SYT14: variants seen among roughly 807,000 people sequenced by gnomAD.
The protein encoded by SYT14 is synaptotagmin-14.
In SYT14, 32 loss-of-function variants were observed where a neutral mutation model predicts 74.2. The observed-to-expected ratio is 0.43, with a 90% CI of 0.33 to 0.58. The LOEUF (loss-of-function observed/expected upper bound fraction) is 0.58. SYT14 is among the 20% of genes least tolerant of loss of function. The pLI is 0.05. For synonymous variants in SYT14, 298 were observed against 337.7 expected (o/e 0.88, Z 1.29); for missense variants, 791 against 981.8 (o/e 0.81, Z 2.60).
intron 5 of SYT14, among the ~76,000 whole-genome samples, chr1:210,047,313 AT>A (rs2080903882): frequency 6.6e-6 from 1 of 152,166 alleles, no homozygotes; most frequent in Non-Finnish European, 1.5e-5. Flanking sequence ...AAATAAAAAA[AT>A]TATGTGGATT....
At chr1:210,026,059 T>C (rs769784272) in intron 5 of SYT14, among the ~76,000 whole-genome samples, 6 of 152,116 alleles carry the variant, frequency 3.9e-5, no homozygotes, top group Non-Finnish European at 7.4e-5. Context: ...TTGTTGATCA[T>C]GTTTTCTCCT....
exon 4 of SYT14, chr1:210,016,625 A>C (rs2080189239): frequency 8.1e-7 from 1 of 1,231,814 alleles, no homozygotes; most frequent in African/African-American, 1.6e-5. Context: ...CAACGGAATA[A>C]ACAAATTGTA....
chr1:209,952,859 A>G, intron 2 of SYT14, 103 bp downstream of exon 2: 1 of 1,187,068 alleles, frequency 8.4e-7, no homozygotes, highest in Non-Finnish European at 1.2e-6. Flanking sequence ...TATGAAGTGT[A>G]AATTTTAGTA....
chr1:209,951,566 A>G (rs957706038), intron 1 of SYT14, among the ~76,000 whole-genome samples: 3 of 152,134 alleles, frequency 2.0e-5, no homozygotes, highest in African/African-American at 7.2e-5. Context: ...TTAAACATGC[A>G]CTTGCCCCAT....
At chr1:209,943,269 C>T (rs1006139095) in intron 1 of SYT14, among the ~76,000 whole-genome samples, 3 of 151,686 alleles carry the variant, frequency 2.0e-5, no homozygotes, top group Non-Finnish European at 2.9e-5. Context: ...TTTGGTAGGC[C>T]GAGGCGGGCA....
chr1:210,092,711 C>T (rs1455365913), intron 5 of SYT14, among the ~76,000 whole-genome samples: 13 of 152,240 alleles, frequency 8.5e-5, no homozygotes, highest in South Asian at 2.1e-4. Flanking sequence ...TTTTTGCTTA[C>T]GTTATAAACT....
chr1:210,068,534 GT>G (rs1350146400), intron 5 of SYT14, among the ~76,000 whole-genome samples: 4 of 151,584 alleles, frequency 2.6e-5, no homozygotes, highest in African/African-American at 9.7e-5. Context: ...TATCTTACGA[GT>G]TTTTTTATAG....
chr1:210,111,626 G>A (rs1379107441), intron 7 of SYT14, among the ~76,000 whole-genome samples: 1 of 151,188 alleles, frequency 6.6e-6, no homozygotes, highest in Non-Finnish European at 1.5e-5. Context: ...GGAAGATTTT[G>A]TGGTAAGGGG....
intron 5 of SYT14, among the ~76,000 whole-genome samples, chr1:210,062,993 G>A (rs2081232978): frequency 6.8e-6 from 1 of 146,332 alleles, no homozygotes; most frequent in African/African-American, 2.5e-5. Flanking sequence ...AAGAATATTA[G>A]CCTTTGTTGC....
chr1:210,070,780 G>C (rs142135947), intron 5 of SYT14, among the ~76,000 whole-genome samples: 287 of 152,168 alleles, frequency 1.9e-3, no homozygotes, highest in African/African-American at 6.5e-3. Flanking sequence ...GTATAGGGTC[G>C]TCTGCTTTTC....
intron 7 of SYT14, among the ~76,000 whole-genome samples, chr1:210,141,366 T>C (rs913943487): frequency 6.6e-6 from 1 of 152,202 alleles, no homozygotes; most frequent in Non-Finnish European, 1.5e-5. Context: ...ATAAAATTGA[T>C]TTTCATATAT....
At position 210,059,427 on chromosome 1, in the gene SYT14, A is replaced by AATATAT. The variant is rs374307953; in HGVS notation, c.1313-34875_1313-34870dup. Among the ~76,000 whole-genome samples, 698 of 79,874 alleles carry AATATAT rather than the reference A, an allele frequency of 8.7e-3. 17 individuals carry two copies. The highest frequency in any genetic ancestry group is 0.06 in the East Asian group (117 of 1,962). 52.4% of individuals were successfully genotyped at this position (79,874 alleles called of 152,430 possible). ...CTGTATATGCATGATGACAAGAAAGAATATATATATATATATATATATATA... is the reference window on the plus strand; with the variant it reads ...CTGTATATGCATGATGACAAGAAAGAATATATATATATATATATATATATATATATA... On this transcript the variant is annotated intron_variant, in intron 5 of 9. Transcript: ENST00000637265.
At chr1:210,008,762 G>A (rs753608592) in intron 2 of SYT14, among the ~76,000 whole-genome samples, 8 of 152,034 alleles carry the variant, frequency 5.3e-5, no homozygotes, top group Admixed American at 6.6e-5. Flanking sequence ...AGAAGGTATA[G>A]GTATAGATAA....
At chr1:210,111,368 A>C (rs1198150895) in intron 7 of SYT14, among the ~76,000 whole-genome samples, 2 of 151,620 alleles carry the variant, frequency 1.3e-5, no homozygotes, top group African/African-American at 2.4e-5. Flanking sequence ...TAAGGCAGGA[A>C]CCGGCCATTT....
intron 1 of SYT14, among the ~76,000 whole-genome samples, chr1:209,949,608 A>G (rs923993163): frequency 6.6e-6 from 1 of 151,544 alleles, no homozygotes; most frequent in African/African-American, 2.4e-5. Flanking sequence ...AGTTTCCAAT[A>G]ATGTAATAAA....
intron 5 of SYT14, among the ~76,000 whole-genome samples, chr1:210,059,276 T>C (rs1213144181): frequency 6.6e-6 from 1 of 151,682 alleles, no homozygotes; most frequent in Admixed American, 6.6e-5. Flanking sequence ...GAATAAAAAT[T>C]TCCCATGCAA....
At chr1:209,991,330 A>G (rs114041571) in intron 2 of SYT14, among the ~76,000 whole-genome samples, 1,726 of 152,290 alleles carry the variant, frequency 0.011, 26 homozygotes, top group African/African-American at 0.038. Flanking sequence ...AATAATCAAC[A>G]CAGTGAACAG....
intron 5 of SYT14, among the ~76,000 whole-genome samples, chr1:210,057,336 A>C (rs2102400348): frequency 6.6e-6 from 1 of 152,304 alleles, no homozygotes; most frequent in African/African-American, 2.4e-5. Context: ...ATTGTACCCC[A>C]GTTTGAAACA....
In SYT14 at chr1:210,078,039, G is replaced by A. The variant is rs1268342980; in HGVS notation, c.1313-16283G>A. ...AAAAATATGCATCTAGGCCGGGCGCGGTGGCTCACGCCTGTAATCCCAGCA... is the reference window on the plus strand; with the variant it reads ...AAAAATATGCATCTAGGCCGGGCGCAGTGGCTCACGCCTGTAATCCCAGCA... On this transcript the variant is annotated intron_variant, in intron 5 of 9. Transcript: ENST00000637265. Among the ~76,000 whole-genome samples the A allele has an allele frequency of 4.6e-5, 7 of 152,084 alleles. No homozygotes were observed. The East Asian group carries it at 7.7e-4, about 17-fold the overall frequency.
Sources: gnomAD v4.1 joint callset for allele counts (sites outside exome capture counted in the v4.1 genomes callset) on GRCh38, gnomAD v4.1.1 for gene constraint, MANE v1.5 for transcripts, NCBI Gene and HGNC (gene_info 2026-07-23, HGNC 2026-07-21) for gene names.